PRKAG2: variants seen among roughly 807,000 people sequenced by gnomAD.
PRKAG2 encodes protein kinase AMP-activated non-catalytic subunit gamma 2.
PRKAG2 carries 26 observed loss-of-function variants against 69.6 expected under a neutral mutation model. That is an observed-to-expected ratio of 0.37 (90% CI 0.27 to 0.52). The LOEUF is 0.52. Among genes scored for constraint, PRKAG2 ranks in the 20% least tolerant of loss-of-function variants. The probability of loss-of-function intolerance (pLI) is 0.90; values close to 1 mark genes in which losing one functional copy is unlikely to be tolerated. For synonymous variants in PRKAG2, 293 were observed against 285.0 expected (o/e 1.03, Z -0.28); for missense variants, 557 against 740.0 (o/e 0.75, Z 2.87).
At chr7:151,595,224 A>G (rs996756457) in intron 6 of PRKAG2, 121 bp downstream of exon 6, 2 of 712,050 alleles carry the variant, frequency 2.8e-6, no homozygotes, top group Non-Finnish European at 2.5e-6. Context: ...ACCTCAGCAC[A>G]GTGCCCGATA....
chr7:151,815,147 CA>C (rs988675471), intron 1 of PRKAG2, among the ~76,000 whole-genome samples: 1 of 152,050 alleles, frequency 6.6e-6, no homozygotes, highest in African/African-American at 2.4e-5. Flanking sequence ...TATGGCTTTC[CA>C]AAAGGCTCTG....
rs1214362978 is a variant in PRKAG2, at chr7:151,693,045, G to A, written c.467-17408C>T. On this transcript the variant is annotated intron_variant, in intron 3 of 15. Transcript: ENST00000287878. ...GGGCAGGAGAGAGCTGAAAGGTTAG[G>A]CTGGGAGCAGAAAGGGAGATCCCAC... 2.0e-5 allele frequency among the ~76,000 whole-genome samples: 3 copies of A among 152,324 alleles called. No individual in the cohort carries two copies. The South Asian group carries it at 6.2e-4, about 32-fold the overall frequency.
intron 6 of PRKAG2, 64 bp from the exon 7 acceptor site, chr7:151,576,516 T>A (rs969934037): frequency 1.4e-6 from 2 of 1,401,234 alleles, no homozygotes; most frequent in Non-Finnish European, 2.0e-6. Context: ...ACCTTTTTTT[T>A]TTGAGACAAG....
intron 5 of PRKAG2, among the ~76,000 whole-genome samples, chr7:151,609,290 A>T (rs1818218411): frequency 6.8e-6 from 1 of 147,592 alleles, no homozygotes; most frequent in Admixed American, 6.7e-5. Flanking sequence ...ACAGAATTTT[A>T]ATTTAGAAAG....
chr7:151,798,057 T>C (rs2077651100), intron 1 of PRKAG2, among the ~76,000 whole-genome samples: 3 of 152,262 alleles, frequency 2.0e-5, no homozygotes, highest in Admixed American at 6.5e-5. Flanking sequence ...CAGGCTGGAA[T>C]GCAATGGCAC....
At chr7:151,838,520 C>T (rs1042343607) in intron 1 of PRKAG2, among the ~76,000 whole-genome samples, 2 of 151,616 alleles carry the variant, frequency 1.3e-5, no homozygotes, top group South Asian at 2.1e-4. Flanking sequence ...TCACCCTGGG[C>T]AACATGGTAA....
intron 3 of PRKAG2, among the ~76,000 whole-genome samples, chr7:151,725,430 A>G (rs1284146452): frequency 6.6e-6 from 1 of 152,086 alleles, no homozygotes; most frequent in African/African-American, 2.4e-5. Context: ...TAAGTGCTTC[A>G]GGATGAAAAG....
Position 151,662,037 on chromosome 7 carries a change from T to C in PRKAG2, c.684+13383A>G, listed in dbSNP as rs532187306. ...AATAGGTACAGTAATTTTTCCACCA[T>C]TTAATGTTCAGCCCCCCAAATGCAT... On this transcript the variant is annotated intron_variant, in intron 4 of 15. Transcript: ENST00000287878. 5.9e-5 allele frequency among the ~76,000 whole-genome samples: 9 copies of C among 152,340 alleles called. No homozygotes were observed. In the South Asian group the frequency reaches 1.2e-3, roughly 21 times the overall value.
rs955011334 is a variant in PRKAG2 at position 151,632,639 on chromosome 7, G to A, written c.685-501C>T. The A allele has an allele frequency of 3.5e-5, 34 of 982,818 alleles. No individual in the cohort carries two copies. In the East Asian group the frequency reaches 4.6e-4, roughly 13 times the overall value. The allele number at this position is 982,818 out of a possible 1,614,324, so 60.9% of individuals were successfully genotyped here. ...AGGTGTGGGCTCCGCGGCGCGGGGA[G>A]GGGGAGAGGGGCTGGAGGCTGCAGA... On this transcript the variant is annotated intron_variant, in intron 4 of 15. Coordinates refer to ENST00000287878, the MANE Select transcript of PRKAG2 (RefSeq NM_016203.4). The surrounding 1 kb of genome is among the most constrained non-coding windows in gnomAD (Gnocchi z 4.2).
intron 4 of PRKAG2, among the ~76,000 whole-genome samples, chr7:151,674,478 T>C (rs1832582796): frequency 6.6e-6 from 1 of 152,198 alleles, no homozygotes; most frequent in African/African-American, 2.4e-5. Context: ...GCTCTCACAG[T>C]GTCGCTGGGC....
At chr7:151,803,701 T>A (rs373773170) in intron 1 of PRKAG2, among the ~76,000 whole-genome samples, 3 of 152,074 alleles carry the variant, frequency 2.0e-5, no homozygotes, top group African/African-American at 7.2e-5. Flanking sequence ...ACGGCTATAT[T>A]ATCCAGCTTG....
chr7:151,644,726 G>A (rs982720173), intron 4 of PRKAG2, among the ~76,000 whole-genome samples: 2 of 152,150 alleles, frequency 1.3e-5, no homozygotes, highest in Non-Finnish European at 2.9e-5. Context: ...TGAGTCATTT[G>A]GTAGGTGTGT....
chr7:151,786,094 G>A (rs1285313636), intron 2 of PRKAG2, among the ~76,000 whole-genome samples: 1 of 152,230 alleles, frequency 6.6e-6, no homozygotes, highest in Non-Finnish European at 1.5e-5. Flanking sequence ...GCAAAGTCCT[G>A]CCAGTCGAAC....
At chr7:151,626,627 G>A (rs1055995673) in intron 5 of PRKAG2, among the ~76,000 whole-genome samples, 2 of 152,098 alleles carry the variant, frequency 1.3e-5, no homozygotes, top group East Asian at 3.9e-4. Context: ...GCAGAGGTCA[G>A]TGCCCCGCAG....
chr7:151,838,734 G>T (rs56932207), intron 1 of PRKAG2, among the ~76,000 whole-genome samples: 12,770 of 149,948 alleles, frequency 0.085, 887 homozygotes, highest in East Asian at 0.36. Context: ...AGTAAAGAAG[G>T]CCAGGCACAG....
intron 5 of PRKAG2, among the ~76,000 whole-genome samples, chr7:151,604,117 G>A (rs989949910): frequency 2.6e-5 from 4 of 152,108 alleles, no homozygotes; most frequent in African/African-American, 9.7e-5. Context: ...CTCCAGCACT[G>A]CCTTCACACA....
chr7:151,627,392 G>A (rs534477245), intron 5 of PRKAG2, among the ~76,000 whole-genome samples: 2 of 152,152 alleles, frequency 1.3e-5, no homozygotes, highest in African/African-American at 2.4e-5. Flanking sequence ...TTGGGAGGCC[G>A]AGGCAGGCAG....
At chr7:151,810,062 A>G (rs1474178760) in intron 1 of PRKAG2, 1 of 152,164 alleles carries the variant, frequency 6.6e-6, no homozygotes. Context: ...TCCTTACATC[A>G]AGTGAAGATA....
intron 2 of PRKAG2, among the ~76,000 whole-genome samples, chr7:151,782,590 C>T (rs551691055): frequency 1.3e-5 from 2 of 152,344 alleles, no homozygotes; most frequent in East Asian, 3.9e-4. Context: ...CACGTGCCCG[C>T]AGCCGTGTTC....
Sources: allele counts gnomAD v4.1 joint callset (sites outside exome capture counted in the v4.1 genomes callset), GRCh38; gene constraint gnomAD v4.1.1; non-coding constraint Gnocchi (gnomAD v3.1); transcripts MANE v1.5; gene names NCBI Gene and HGNC (gene_info 2026-07-23, HGNC 2026-07-21).